Variants in GREB1L observed in about 807,000 individuals in gnomAD.
GREB1L encodes the protein GREB1 like retinoic acid receptor coactivator, also known as GREB1-like protein.
GREB1L carries 17 observed loss-of-function variants against 200.8 expected under a neutral mutation model. The observed-to-expected ratio is 0.08, with a 90% confidence interval of 0.06 to 0.13. The LOEUF (loss-of-function observed/expected upper bound fraction) is 0.13. Ranked by LOEUF, GREB1L falls within the 10% of genes least tolerant of loss-of-function variation. The pLI is 1.00. For synonymous variants in GREB1L, 789 were observed against 893.0 expected (o/e 0.88, Z 2.08); for missense variants, 1,657 against 2,367.7 (o/e 0.70, Z 6.23).
intron 1 of GREB1L, among the ~76,000 whole-genome samples, chr18:21,290,440 T>A (rs1176106329): frequency 1.3e-5 from 2 of 152,218 alleles, no homozygotes; most frequent in South Asian, 4.1e-4. Flanking sequence ...TATAAATGTT[T>A]ATATAATCCT....
chr18:21,412,465 A>ATT (rs1357979158), intron 7 of GREB1L, among the ~76,000 whole-genome samples: 7 of 152,096 alleles, frequency 4.6e-5, no homozygotes, highest in Non-Finnish European at 7.4e-5. Flanking sequence ...CAATGAAAAT[A>ATT]AACAAACAGA....
At chr18:21,429,572 T>C (rs1598820889) in intron 7 of GREB1L, among the ~76,000 whole-genome samples, 1 of 152,152 alleles carries the variant, frequency 6.6e-6, no homozygotes, top group African/African-American at 2.4e-5. Flanking sequence ...CTCCTCCTTC[T>C]ACTTTTTGAA....
chr18:21,315,450 A>T (rs1251226641), intron 1 of GREB1L, among the ~76,000 whole-genome samples: 1 of 152,146 alleles, frequency 6.6e-6, no homozygotes, highest in Non-Finnish European at 1.5e-5. Flanking sequence ...TTTTCATCTC[A>T]GAGTATGTCA....
chr18:21,247,448 G>A (rs1430977313), intron 1 of GREB1L, among the ~76,000 whole-genome samples: 1 of 152,068 alleles, frequency 6.6e-6, no homozygotes, highest in Non-Finnish European at 1.5e-5. Context: ...TGTCTTCTCT[G>A]TTCCTGGTCA....
At chr18:21,344,073 C>G (rs2039307961) in intron 1 of GREB1L, among the ~76,000 whole-genome samples, 1 of 152,156 alleles carries the variant, frequency 6.6e-6, no homozygotes, top group South Asian at 2.1e-4. Context: ...CCATGCCCAG[C>G]CTGGATTGTT....
At chr18:21,316,726 T>C (rs546216568) in intron 1 of GREB1L, among the ~76,000 whole-genome samples, 45 of 152,210 alleles carry the variant, frequency 3.0e-4, no homozygotes, top group African/African-American at 1.0e-3. Context: ...AAAGTTGTAT[T>C]GTCACCAGTG....
Position 21,306,222 on chromosome 18 carries a change from T to A in GREB1L, c.-119-59805T>A, listed in dbSNP as rs78088535. 3.3e-5 allele frequency among the ~76,000 whole-genome samples: 5 copies of A among 152,284 alleles called. No individual in the cohort carries two copies. In the East Asian group the frequency reaches 9.6e-4, roughly 29 times the overall value. On this transcript the variant is annotated intron_variant, in intron 1 of 32. Transcript: ENST00000424526. ...GTATGTACAGTAGGTGTTCAATACA[T>A]GTTTATGGTTGAATTAGTGAATGAG... is the stretch of plus-strand genomic sequence containing the variant.
At chr18:21,500,376 A>T in intron 22 of GREB1L, 70 bp downstream of exon 22, 1 of 857,570 alleles carries the variant, frequency 1.2e-6, no homozygotes, top group Non-Finnish European at 1.9e-6. Context: ...AGTAGAAGCC[A>T]GAAAACCTCT....
intron 1 of GREB1L, among the ~76,000 whole-genome samples, chr18:21,352,015 T>C (rs1449680855): frequency 6.6e-6 from 1 of 151,468 alleles, no homozygotes; most frequent in Non-Finnish European, 1.5e-5. Flanking sequence ...GCCCGGCTAA[T>C]TTTTGTATTT....
intron 1 of GREB1L, among the ~76,000 whole-genome samples, chr18:21,355,632 A>G (rs920100795): frequency 1.3e-5 from 2 of 152,220 alleles, no homozygotes; most frequent in Non-Finnish European, 1.5e-5. Flanking sequence ...GAAGCAGCCT[A>G]TGGATACAGG....
At chr18:21,494,091 A>G (rs2036450947) in intron 19 of GREB1L, among the ~76,000 whole-genome samples, 1 of 152,144 alleles carries the variant, frequency 6.6e-6, no homozygotes, top group African/African-American at 2.4e-5. Flanking sequence ...TTTGCTTTAA[A>G]TGAGACAATG....
chr18:21,474,421 TGCCCTAGCA>T (rs2035605417), intron 16 of GREB1L, among the ~76,000 whole-genome samples: 1 of 152,206 alleles, frequency 6.6e-6, no homozygotes, highest in Admixed American at 6.5e-5. Flanking sequence ...CCTTCCACAC[TGCCCTAGCA>T]GAGGTTCTCC....
intron 1 of GREB1L, among the ~76,000 whole-genome samples, chr18:21,319,586 G>T (rs1380732261): frequency 6.6e-6 from 1 of 152,156 alleles, no homozygotes; most frequent in Non-Finnish European, 1.5e-5. Flanking sequence ...TTTTCTCAGA[G>T]ATCTTAAAAA....
intron 1 of GREB1L, among the ~76,000 whole-genome samples, chr18:21,288,860 C>A (rs769771051): frequency 1.3e-5 from 2 of 152,140 alleles, no homozygotes; most frequent in Non-Finnish European, 2.9e-5. Flanking sequence ...GCCTCAGCCT[C>A]CTGAGCAGCT....
intron 7 of GREB1L, among the ~76,000 whole-genome samples, chr18:21,409,432 G>A (rs2030693069): frequency 6.6e-6 from 1 of 152,160 alleles, no homozygotes; most frequent in African/African-American, 2.4e-5. Context: ...GGATGAAAAT[G>A]TTCTAACATT....
At chr18:21,273,905 T>TA (rs997141252) in intron 1 of GREB1L, among the ~76,000 whole-genome samples, 8 of 151,164 alleles carry the variant, frequency 5.3e-5, no homozygotes, top group Non-Finnish European at 1.0e-4. Flanking sequence ...TGCATGTGAT[T>TA]AAAAAAAAAT....
intron 7 of GREB1L, among the ~76,000 whole-genome samples, chr18:21,420,357 G>A (rs1239005227): frequency 6.7e-6 from 1 of 149,356 alleles, no homozygotes; most frequent in Non-Finnish European, 1.5e-5. Context: ...GAGCGACAGT[G>A]TGAGAGACTC....
In GREB1L at chr18:21,255,552, A is replaced by G. The variant is rs1398764356; in HGVS notation, c.-120+13159A>G. Among the ~76,000 whole-genome samples, 3 of 152,168 alleles carry G rather than the reference A, an allele frequency of 2.0e-5. No homozygotes were observed. The East Asian group carries it at 5.8e-4, about 29-fold the overall frequency. On this transcript the variant is annotated intron_variant, in intron 1 of 32. Coordinates refer to ENST00000424526, the MANE Select transcript of GREB1L (RefSeq NM_001142966.3). Reference sequence around the variant, plus strand: ...TGTTTGAGATGCTGTTTAAATGCAGATTCTGAGCCCTAGGAATAGGCCCTG... The same window carrying G: ...TGTTTGAGATGCTGTTTAAATGCAGGTTCTGAGCCCTAGGAATAGGCCCTG...
intron 1 of GREB1L, among the ~76,000 whole-genome samples, chr18:21,312,708 C>T (rs2038811396): frequency 6.6e-6 from 1 of 152,090 alleles, no homozygotes; most frequent in South Asian, 2.1e-4. Context: ...CGCATGCCAC[C>T]ATGCCCAACT....
Sources: allele counts gnomAD v4.1 joint callset (sites outside exome capture counted in the v4.1 genomes callset), GRCh38; gene constraint gnomAD v4.1.1; transcripts MANE v1.5; gene names NCBI Gene and HGNC (gene_info 2026-07-23, HGNC 2026-07-21).